EBF1: variants seen among roughly 807,000 people sequenced by gnomAD.
EBF1 encodes transcription factor COE1.
A neutral mutation model predicts 68.4 loss-of-function variants in EBF1; 10 were observed. The ratio of observed to expected loss-of-function variants is 0.15; its 90% CI spans 0.09 to 0.25. The LOEUF is 0.25. Ranked by LOEUF, EBF1 falls within the 10% of genes least tolerant of loss-of-function variation. The pLI, the probability that EBF1 is intolerant of heterozygous loss-of-function variation, is 1.00. For synonymous variants in EBF1, 298 were observed against 299.8 expected (o/e 0.99, Z 0.06); for missense variants, 509 against 794.4 (o/e 0.64, Z 4.32).
intron 6 of EBF1, among the ~76,000 whole-genome samples, chr5:159,047,941 T>C (rs1321261947): frequency 1.3e-5 from 2 of 152,180 alleles, no homozygotes; most frequent in Admixed American, 6.5e-5. Flanking sequence ...CAGAACTGTC[T>C]GCATTTCAGA....
At chr5:158,762,144 C>A (rs1771608462) in intron 10 of EBF1, among the ~76,000 whole-genome samples, 1 of 152,122 alleles carries the variant, frequency 6.6e-6, no homozygotes, top group Non-Finnish European at 1.5e-5. Context: ...ATTATGAAGT[C>A]CTGAAAGCAC....
intron 6 of EBF1, among the ~76,000 whole-genome samples, chr5:158,957,523 T>C (rs1394292154): frequency 1.3e-5 from 2 of 152,228 alleles, no homozygotes; most frequent in Non-Finnish European, 2.9e-5. Context: ...TAGAACTCTC[T>C]GAACATTTTA....
intron 6 of EBF1, among the ~76,000 whole-genome samples, chr5:158,895,003 A>G (rs1044258739): frequency 1.3e-5 from 2 of 152,234 alleles, no homozygotes; most frequent in African/African-American, 2.4e-5. Context: ...AAATATATAA[A>G]TATGAACATT....
intron 6 of EBF1, among the ~76,000 whole-genome samples, chr5:158,850,509 G>A (rs939673842): frequency 1.7e-4 from 26 of 152,166 alleles, no homozygotes; most frequent in Admixed American, 6.5e-4. Flanking sequence ...ATTTCTGTAC[G>A]TACTCTTTCC....
At chr5:158,978,695 C>G (rs1196059441) in intron 6 of EBF1, among the ~76,000 whole-genome samples, 1 of 151,060 alleles carries the variant, frequency 6.6e-6, no homozygotes, top group Non-Finnish European at 1.5e-5. Flanking sequence ...CATATGAGGG[C>G]AAAGCTGCTT....
intron 8 of EBF1, 144 bp downstream of exon 8, chr5:158,823,032 A>G (rs1015353210): frequency 9.2e-7 from 1 of 1,089,656 alleles, no homozygotes; most frequent in Non-Finnish European, 1.3e-6. Context: ...TATGTTGAAG[A>G]GAAAAAACCC....
At chr5:159,055,311 C>A (rs376755090) in intron 6 of EBF1, among the ~76,000 whole-genome samples, 11 of 152,124 alleles carry the variant, frequency 7.2e-5, no homozygotes, top group African/African-American at 2.7e-4. Context: ...CCTTAAAGAT[C>A]CTAAGTGTTT....
chr5:158,939,775 G>A (rs1166948152), intron 6 of EBF1, among the ~76,000 whole-genome samples: 1 of 151,990 alleles, frequency 6.6e-6, no homozygotes, highest in East Asian at 1.9e-4. Flanking sequence ...GAGGCTGCGA[G>A]GTAGCTCCTA....
At chr5:158,799,425 A>T (rs1027319909) in intron 8 of EBF1, among the ~76,000 whole-genome samples, 6 of 107,952 alleles carry the variant, frequency 5.6e-5, no homozygotes, top group East Asian at 2.6e-4. Context: ...TAAAATAAAT[A>T]AATAAATTAA....
intron 7 of EBF1, among the ~76,000 whole-genome samples, 188 bp from the exon 8 acceptor site, chr5:158,823,505 G>T (rs1487997290): frequency 6.6e-6 from 1 of 152,190 alleles, no homozygotes; most frequent in Non-Finnish European, 1.5e-5. Context: ...GGCATGGAAC[G>T]CTTTTGATGC....
intron 7 of EBF1, among the ~76,000 whole-genome samples, chr5:158,831,021 T>G (rs1485882019): frequency 6.6e-6 from 1 of 152,232 alleles, no homozygotes; most frequent in Admixed American, 6.5e-5. Context: ...AATTAGCTTC[T>G]GTCTCCTGAA....
chr5:159,057,740 C>T (rs1252688713), intron 6 of EBF1, among the ~76,000 whole-genome samples: 2 of 152,202 alleles, frequency 1.3e-5, no homozygotes, highest in Admixed American at 6.5e-5. Flanking sequence ...ACTGTAATCT[C>T]TGAGAGTCCA....
intron 6 of EBF1, among the ~76,000 whole-genome samples, chr5:158,971,966 A>G (rs1755747523): frequency 6.6e-6 from 1 of 152,250 alleles, no homozygotes; most frequent in Non-Finnish European, 1.5e-5. Context: ...ATGGGTAACA[A>G]AGCATTTGAA....
At chr5:158,799,405 CTCTG>C (rs1432831353) in intron 8 of EBF1, among the ~76,000 whole-genome samples, 2 of 148,518 alleles carry the variant, frequency 1.3e-5, no homozygotes, top group Non-Finnish European at 3.0e-5. Flanking sequence ...CAGAGTGAGA[CTCTG>C]TCTCTTAAAA....
At chr5:158,735,152 C>A (rs1365788296) in intron 10 of EBF1, among the ~76,000 whole-genome samples, 2 of 152,146 alleles carry the variant, frequency 1.3e-5, no homozygotes, top group African/African-American at 4.8e-5. Flanking sequence ...AACAAACTTT[C>A]CGAAAGGTAC....
At chr5:158,955,927 C>T (rs1816967794) in intron 6 of EBF1, among the ~76,000 whole-genome samples, 1 of 151,948 alleles carries the variant, frequency 6.6e-6, no homozygotes, top group Non-Finnish European at 1.5e-5. Flanking sequence ...CAGGCCATTG[C>T]TTTGTTTATG....
chr5:158,703,928 G>A (rs1245842177), intron 15 of EBF1, among the ~76,000 whole-genome samples: 2 of 152,114 alleles, frequency 1.3e-5, no homozygotes, highest in African/African-American at 4.8e-5. Flanking sequence ...ATTTACTTTG[G>A]TGTCATGTCT....
chr5:159,056,812 C>A (rs1337184949), intron 6 of EBF1, among the ~76,000 whole-genome samples: 1 of 152,024 alleles, frequency 6.6e-6, no homozygotes, highest in Non-Finnish European at 1.5e-5. Context: ...TATGTCAGTA[C>A]CTTCCAGAGA....
chr5:158,993,423 G>A (rs1760778507), intron 6 of EBF1, among the ~76,000 whole-genome samples: 1 of 152,076 alleles, frequency 6.6e-6, no homozygotes, highest in Non-Finnish European at 1.5e-5. Flanking sequence ...CACAACTACT[G>A]AATCGATGGA....
Sources: gnomAD v4.1 joint callset for allele counts (sites outside exome capture counted in the v4.1 genomes callset) on GRCh38, gnomAD v4.1.1 for gene constraint, MANE v1.5 for transcripts, NCBI Gene and HGNC (gene_info 2026-07-23, HGNC 2026-07-21) for gene names.